The following KBTBD12 variants were observed in gnomAD, a reference collection of about 807,000 sequenced individuals.
KBTBD12 encodes kelch repeat and BTB domain-containing protein 12.
A neutral mutation model predicts 58.7 loss-of-function variants in KBTBD12; 53 were observed. That is an observed-to-expected ratio of 0.90 (90% CI 0.72 to 1.14). The LOEUF is 1.14. Among genes scored for constraint, KBTBD12 ranks in the 50% most tolerant of loss-of-function variants. KBTBD12 has a pLI of 0.00. For missense variants in KBTBD12, 704 were observed against 751.3 expected, an observed-to-expected ratio of 0.94 and a Z score of 0.74; for synonymous variants, 236 against 259.8, an observed-to-expected ratio of 0.91 and a Z score of 0.88.
At chr3:127,955,764 T>C (rs1295817537) in intron 4 of KBTBD12, among the ~76,000 whole-genome samples, 3 of 152,236 alleles carry the variant, frequency 2.0e-5, no homozygotes, top group Non-Finnish European at 4.4e-5. Flanking sequence ...TCAAAATATT[T>C]GCTAAGCATA....
chr3:127,976,617 G>T (rs960361639), intron 5 of KBTBD12, among the ~76,000 whole-genome samples: 1 of 152,148 alleles, frequency 6.6e-6, no homozygotes, highest in Non-Finnish European at 1.5e-5. Flanking sequence ...TCAAGATATG[G>T]TCTAATTTCA....
chr3:127,947,898 C>T (rs1269682031), intron 4 of KBTBD12, among the ~76,000 whole-genome samples: 1 of 152,202 alleles, frequency 6.6e-6, no homozygotes, highest in Non-Finnish European at 1.5e-5. Flanking sequence ...AATGTTAGCT[C>T]ATCTAGTCCT....
chr3:127,922,245 G>A (rs1033466457), intron 1 of KBTBD12, among the ~76,000 whole-genome samples: 2 of 152,078 alleles, frequency 1.3e-5, no homozygotes, highest in Non-Finnish European at 2.9e-5. Context: ...TAAAAGCTGA[G>A]CAAGGAGGGA....
Position 127,923,131 on chromosome 3 carries a change from A to G in KBTBD12, c.70A>G (p.Met24Val), listed in dbSNP as rs1209896126. The G allele has an allele frequency of 6.2e-7, 1 of 1,612,824 alleles. No homozygotes were observed. The highest frequency in any genetic ancestry group is 1.3e-5 in the African/African-American group (1 of 75,004). Residue 24 changes from methionine to valine, a missense_variant, in exon 2 of 6, where the codon ATG becomes GTG. Coordinates refer to ENST00000405109, the MANE Select transcript of KBTBD12 (RefSeq NM_207335.4). ...GAATTTACTGAATAAAATTCAGAAC[A>G]TGAAAGAATTAGCAGAAATGATTGA... ...SLNLLNKIQN[M>V]KELAEMIDVV... is the part of the protein sequence containing the mutation.
At chr3:127,961,435 A>G (rs1940437214) in intron 4 of KBTBD12, among the ~76,000 whole-genome samples, 1 of 152,224 alleles carries the variant, frequency 6.6e-6, no homozygotes, top group Non-Finnish European at 1.5e-5. Context: ...CTCCTGAGTT[A>G]GTTTATAGCC....
intron 5 of KBTBD12, among the ~76,000 whole-genome samples, chr3:127,983,493 G>A (rs1239469734): frequency 1.3e-5 from 2 of 152,250 alleles, no homozygotes; most frequent in East Asian, 1.9e-4. Flanking sequence ...GGTGGCTCAC[G>A]CCTGTAATCC....
At chr3:127,946,283 G>GT (rs1475286194) in intron 4 of KBTBD12, among the ~76,000 whole-genome samples, 1 of 151,908 alleles carries the variant, frequency 6.6e-6, no homozygotes, top group Non-Finnish European at 1.5e-5. Flanking sequence ...TTACCTTTAA[G>GT]TTTTTTTCTT....
chr3:127,967,836 A>G (rs1202114531), intron 5 of KBTBD12, among the ~76,000 whole-genome samples: 1 of 152,212 alleles, frequency 6.6e-6, no homozygotes, highest in African/African-American at 2.4e-5. Flanking sequence ...ATAATTTTCC[A>G]TGGGTCTTAA....
In KBTBD12 at chr3:127,925,026, A is replaced by G. The variant is rs552101321; in HGVS notation, c.1070+895A>G. On this transcript the variant is annotated intron_variant, in intron 2 of 5. Transcript: ENST00000405109. Reference sequence around the variant, plus strand: ...CATGGTTTGTTCAGACATTTCAGTCAGAAAGTAATTCTTAGCAGTAAAGAT... The same window carrying G: ...CATGGTTTGTTCAGACATTTCAGTCGGAAAGTAATTCTTAGCAGTAAAGAT... Among the ~76,000 whole-genome samples the G allele has an allele frequency of 1.0e-3, 158 of 152,342 alleles. 1 individual carries two copies. Among genetic ancestry groups the G allele is most frequent in the Non-Finnish European group, 1.7e-3 (115 of 68,028 alleles).
At chr3:127,969,170 C>A (rs985042337) in intron 5 of KBTBD12, among the ~76,000 whole-genome samples, 1 of 151,694 alleles carries the variant, frequency 6.6e-6, no homozygotes, top group South Asian at 2.1e-4. Flanking sequence ...TCATTTTTTT[C>A]GAAAATCTTA....
At chr3:127,978,060 C>G (rs1054638064) in intron 5 of KBTBD12, among the ~76,000 whole-genome samples, 1 of 152,146 alleles carries the variant, frequency 6.6e-6, no homozygotes, top group Non-Finnish European at 1.5e-5. Flanking sequence ...GCCAGCCATC[C>G]CAGCACCATT....
intron 5 of KBTBD12, among the ~76,000 whole-genome samples, chr3:127,976,506 GAAT>G (rs1413107963): frequency 6.6e-6 from 1 of 152,172 alleles, no homozygotes; most frequent in East Asian, 1.9e-4. Flanking sequence ...TTCCCGGCTG[GAAT>G]ATTACATAAC....
intron 4 of KBTBD12, among the ~76,000 whole-genome samples, chr3:127,958,404 C>T (rs1206605201): frequency 6.6e-6 from 1 of 152,144 alleles, no homozygotes; most frequent in African/African-American, 2.4e-5. Context: ...TTTAGACCTG[C>T]TGGGACCCCT....
chr3:127,930,191 C>A lies in KBTBD12; in HGVS notation c.1400C>A (p.Pro467His). ...AGCAACAAACTGTTGCAGTATGACCCCAGCCAAGATCAATGGAGTGTGCGG... is the reference window on the plus strand; with the variant it reads ...AGCAACAAACTGTTGCAGTATGACCACAGCCAAGATCAATGGAGTGTGCGG... ...RLSNKLLQYD[P>H]SQDQWSVRAP... Residue 467 changes from proline to histidine, a missense_variant, in exon 4 of 6, where the codon CCC (proline) becomes CAC (histidine). Physicochemically the swap from Pro to His is moderately conservative, Grantham distance 77 (BLOSUM62 -2). Coordinates refer to ENST00000405109, the MANE Select transcript of KBTBD12 (RefSeq NM_207335.4). 1 of 1,605,930 alleles carries A rather than the reference C, an allele frequency of 6.2e-7. No homozygotes were observed. The highest frequency in any genetic ancestry group is 8.5e-7 in the Non-Finnish European group (1 of 1,175,860).
At chr3:127,976,330 AC>A (rs1940782302) in intron 5 of KBTBD12, among the ~76,000 whole-genome samples, 1 of 152,106 alleles carries the variant, frequency 6.6e-6, no homozygotes, top group African/African-American at 2.4e-5. Flanking sequence ...GTGCTTGTTG[AC>A]ATGTCTTCTC....
chr3:127,958,280 A>G (rs112402993), intron 4 of KBTBD12, among the ~76,000 whole-genome samples: 91 of 152,178 alleles, frequency 6.0e-4, no homozygotes, highest in Non-Finnish European at 1.1e-3. Context: ...GGTGACATTC[A>G]TCTGCAGCTG....
chr3:127,917,028 T>C (rs143629153), intron 1 of KBTBD12, among the ~76,000 whole-genome samples: 100 of 152,358 alleles, frequency 6.6e-4, no homozygotes, highest in African/African-American at 2.2e-3. Flanking sequence ...TAACCTCTGC[T>C]AACCAAGAGG....
At chr3:127,978,999 C>G (rs1940832277) in intron 5 of KBTBD12, among the ~76,000 whole-genome samples, 1 of 152,190 alleles carries the variant, frequency 6.6e-6, no homozygotes, top group South Asian at 2.1e-4. Context: ...TAGCCCTAAA[C>G]TGTCTACCAA....
intron 5 of KBTBD12, among the ~76,000 whole-genome samples, chr3:127,974,717 G>A (rs1332687401): frequency 6.6e-6 from 1 of 152,206 alleles, no homozygotes; most frequent in Non-Finnish European, 1.5e-5. Context: ...GCCAGGCACG[G>A]TGGCTCACGC....
Sources: gnomAD v4.1 joint callset for allele counts (sites outside exome capture counted in the v4.1 genomes callset) on GRCh38, gnomAD v4.1.1 for gene constraint, MANE v1.5 for transcripts, NCBI Gene and HGNC (gene_info 2026-07-23, HGNC 2026-07-21) for gene names.